The following GRIN2A variants were observed in gnomAD, a reference collection of about 807,000 sequenced individuals.
The protein encoded by GRIN2A is glutamate ionotropic receptor NMDA type subunit 2A, also known as glutamate receptor ionotropic, NMDA 2A.
In GRIN2A, 22 loss-of-function variants were observed where a neutral mutation model predicts 113.4. The observed-to-expected ratio is 0.19, with a 90% CI of 0.14 to 0.28. The LOEUF is 0.28. GRIN2A is among the 10% of genes least tolerant of loss of function. GRIN2A has a pLI of 1.00. For missense variants in GRIN2A, 1,502 were observed against 1,887.0 expected (o/e 0.80, Z 3.78); for synonymous variants, 827 against 738.4 (o/e 1.12, Z -1.94).
intron 2 of GRIN2A, among the ~76,000 whole-genome samples, chr16:9,976,826 T>A (rs536278054): frequency 1.3e-5 from 2 of 152,188 alleles, no homozygotes; most frequent in Admixed American, 6.5e-5. Context: ...CCACTATCCA[T>A]CCGGTGGCCA....
chr16:10,074,137 A>G (rs2047820972), intron 2 of GRIN2A, among the ~76,000 whole-genome samples: 1 of 152,250 alleles, frequency 6.6e-6, no homozygotes, highest in Non-Finnish European at 1.5e-5. Flanking sequence ...GCTCAATACA[A>G]ACAGTGATTA....
intron 2 of GRIN2A, among the ~76,000 whole-genome samples, chr16:10,006,193 C>G (rs1286251306): frequency 6.6e-6 from 1 of 152,228 alleles, no homozygotes; most frequent in Non-Finnish European, 1.5e-5. Context: ...CAACTGTGCT[C>G]TCCTGGCCCT....
intron 11 of GRIN2A, among the ~76,000 whole-genome samples, chr16:9,784,203 G>A (rs1018213752): frequency 2.0e-5 from 3 of 152,132 alleles, no homozygotes; most frequent in Non-Finnish European, 4.4e-5. Context: ...GCCGAGGTGG[G>A]TGGATCACCT....
At chr16:10,169,226 T>G (rs1398256480) in intron 2 of GRIN2A, among the ~76,000 whole-genome samples, 1 of 152,196 alleles carries the variant, frequency 6.6e-6, no homozygotes, top group Non-Finnish European at 1.5e-5. Context: ...TTTTTCTGCA[T>G]GCATTGCAAT....
intron 2 of GRIN2A, among the ~76,000 whole-genome samples, chr16:10,049,383 A>ATT (rs565267242): frequency 1.6e-4 from 23 of 146,138 alleles, no homozygotes; most frequent in African/African-American, 3.0e-4. Context: ...ATTTTTTACT[A>ATT]TTTTTTTTTT....
At chr16:10,064,623 G>T (rs1041678471) in intron 2 of GRIN2A, among the ~76,000 whole-genome samples, 2 of 152,144 alleles carry the variant, frequency 1.3e-5, no homozygotes, top group Non-Finnish European at 2.9e-5. Context: ...ATTTGAAATG[G>T]CAAGAGAAAT....
At chr16:9,786,719 C>A (rs749560183) in intron 11 of GRIN2A, among the ~76,000 whole-genome samples, 5 of 152,138 alleles carry the variant, frequency 3.3e-5, no homozygotes, top group African/African-American at 1.2e-4. Flanking sequence ...GCATAGGTAC[C>A]AATTGTACCA....
chr16:9,821,077 C>G (rs373685391), intron 10 of GRIN2A, among the ~76,000 whole-genome samples: 28 of 152,034 alleles, frequency 1.8e-4, no homozygotes, highest in Admixed American at 1.0e-3. Context: ...TCTGTCTCCC[C>G]CTACCAGACA....
intron 2 of GRIN2A, among the ~76,000 whole-genome samples, chr16:10,149,209 T>C (rs1036716965): frequency 1.3e-5 from 2 of 152,206 alleles, no homozygotes; most frequent in African/African-American, 4.8e-5. Context: ...TATTTTTAAG[T>C]AAGTAAAAGA....
At chr16:9,825,843 C>T (rs370386582) in intron 9 of GRIN2A, among the ~76,000 whole-genome samples, 12 of 152,232 alleles carry the variant, frequency 7.9e-5, no homozygotes, top group African/African-American at 2.6e-4. Context: ...CTGGGCTCAT[C>T]CACTGAGAGC....
intron 2 of GRIN2A, among the ~76,000 whole-genome samples, chr16:9,967,957 CAGAA>C (rs1333044434): frequency 3.3e-5 from 5 of 152,098 alleles, no homozygotes; most frequent in African/African-American, 4.8e-5. Context: ...AGTGAAATGT[CAGAA>C]AGAAAGACAC....
At chr16:10,130,218 G>C (rs1033756469) in intron 2 of GRIN2A, among the ~76,000 whole-genome samples, 2 of 152,164 alleles carry the variant, frequency 1.3e-5, no homozygotes, top group Admixed American at 6.5e-5. Flanking sequence ...GGGACTCCAC[G>C]GCAGGGTTCA....
chr16:10,178,789 A>C (rs150476119), intron 2 of GRIN2A, among the ~76,000 whole-genome samples: 1 of 152,382 alleles, frequency 6.6e-6, no homozygotes, highest in African/African-American at 2.4e-5. Context: ...TGAATATAAA[A>C]GTGCTTTGAG....
chr16:9,884,332 T>G (rs1236832527), intron 4 of GRIN2A, among the ~76,000 whole-genome samples: 1 of 152,164 alleles, frequency 6.6e-6, no homozygotes. Context: ...GTGGATCACC[T>G]GAGGTCAGGG....
chr16:10,023,331 A>G (rs1385422809), intron 2 of GRIN2A, among the ~76,000 whole-genome samples: 1 of 152,248 alleles, frequency 6.6e-6, no homozygotes, highest in African/African-American at 2.4e-5. Context: ...TAAATATTAC[A>G]TAATCTATTT....
intron 2 of GRIN2A, among the ~76,000 whole-genome samples, chr16:9,945,697 G>C (rs1353476650): frequency 6.6e-6 from 1 of 152,146 alleles, no homozygotes; most frequent in African/African-American, 2.4e-5. Context: ...AGCCTACATT[G>C]ACTAACATAG....
intron 7 of GRIN2A, among the ~76,000 whole-genome samples, chr16:9,834,711 A>G (rs2042558423): frequency 1.3e-5 from 2 of 152,330 alleles, no homozygotes; most frequent in South Asian, 4.1e-4. Flanking sequence ...ATCATTTTAA[A>G]TCATTCTTTA....
intron 11 of GRIN2A, among the ~76,000 whole-genome samples, chr16:9,792,920 A>G (rs9972709): frequency 0.33 from 49,631 of 152,134 alleles, 8,226 homozygotes; most frequent in African/African-American, 0.38. Flanking sequence ...TGTTACCTCT[A>G]TAAAAGTCTG....
intron 2 of GRIN2A, among the ~76,000 whole-genome samples, chr16:10,161,688 T>A (rs546858990): frequency 6.6e-6 from 1 of 152,270 alleles, no homozygotes; most frequent in East Asian, 1.9e-4. Flanking sequence ...CTCTTATGGC[T>A]CCAGAGGTCC....
Sources: allele counts gnomAD v4.1 joint callset (sites outside exome capture counted in the v4.1 genomes callset), GRCh38; gene constraint gnomAD v4.1.1; transcripts MANE v1.5; gene names NCBI Gene and HGNC (gene_info 2026-07-23, HGNC 2026-07-21).